DNAH2: variants seen among roughly 807,000 people sequenced by gnomAD.
The protein encoded by DNAH2 is dynein axonemal heavy chain 2, also known as axonemal beta dynein heavy chain 2.
A neutral mutation model predicts 523.5 loss-of-function variants in DNAH2; 323 were observed. The ratio of observed to expected loss-of-function variants is 0.62; its 90% confidence interval spans 0.56 to 0.68. The LOEUF (loss-of-function observed/expected upper bound fraction) is 0.68, where lower values mean the gene tolerates loss of function less well. Among genes scored for constraint, DNAH2 ranks in the 30% least tolerant of loss-of-function variants. The pLI, the probability that DNAH2 is intolerant of heterozygous loss-of-function variation, is 0.00. For missense variants in DNAH2, 4,907 were observed against 5,701.5 expected, an observed-to-expected ratio of 0.86 and a Z score of 4.49; for synonymous variants, 2,093 against 2,177.4, an observed-to-expected ratio of 0.96 and a Z score of 1.08.
Position 7,818,705 on chromosome 17 carries a change from G to A in DNAH2, c.10599G>A (p.Gln3533=). The A allele has an allele frequency of 6.2e-7, 1 of 1,614,098 alleles. No homozygotes were observed. Among genetic ancestry groups the A allele is most frequent in the Admixed American group, 1.7e-5 (1 of 60,028 alleles). ...VRKERPELEE[Q]KDSLVINIAA... is the part of the protein sequence containing the mutation. ...AGGAGCGGCCTGAGCTGGAGGAGCAGAAGGACTCACTGGTCATCAACATCG... is the reference window on the plus strand; with the variant it reads ...AGGAGCGGCCTGAGCTGGAGGAGCAAAAGGACTCACTGGTCATCAACATCG... The change falls in exon 70 of 86, where the codon CAG becomes CAA. Residue 3533 remains glutamine (Q), a synonymous_variant. Coordinates refer to ENST00000572933, the MANE Select transcript of DNAH2 (RefSeq NM_020877.5).
intron 58 of DNAH2, among the ~76,000 whole-genome samples, chr17:7,803,937 C>T (rs971260360): frequency 6.6e-6 from 1 of 152,248 alleles, no homozygotes; most frequent in African/African-American, 2.4e-5. Context: ...GCCCACCTGC[C>T]TGTTCCACAG....
At position 7,754,546 on chromosome 17, in the gene DNAH2, T is replaced by C; in HGVS notation, c.1905-2545T>C. Reference sequence around the variant, plus strand: ...TGCCAAGAAGCACAAAAGAAGGGCCTAAAGAAGATGCACACCAACAATGCC... The same window carrying C: ...TGCCAAGAAGCACAAAAGAAGGGCCCAAAGAAGATGCACACCAACAATGCC... On this transcript the variant is annotated intron_variant, in intron 12 of 85. Transcript: ENST00000572933. This position sits in a 1 kb window ranked among gnomAD's most constrained non-coding sequence, Gnocchi z 4.6. 1 of 1,255,418 alleles carries C rather than the reference T, an allele frequency of 8.0e-7. No homozygotes were observed. The highest frequency in any genetic ancestry group is 1.1e-6 in the Non-Finnish European group (1 of 874,334). 77.8% of individuals were successfully genotyped at this position (1,255,418 alleles called of 1,614,324 possible). A position where few individuals can be genotyped will look rare whatever the true frequency, so the allele number is the denominator to read the frequency against.
chr17:7,780,751 G>A lies in DNAH2; in HGVS notation c.5972G>A (p.Arg1991His), dbSNP rs201098580. Reference protein sequence around the residue: ...TSLLRYAGKKRRLQPDLTDEE... With the variant: ...TSLLRYAGKKHRLQPDLTDEE... ...CTTCTGCGCTATGCTGGCAAGAAGCGCCGCCTACAGCCGGATCTGACTGAT... is the reference window on the plus strand; with the variant it reads ...CTTCTGCGCTATGCTGGCAAGAAGCACCGCCTACAGCCGGATCTGACTGAT... Residue 1991 changes from arginine (R) to histidine (H), a missense_variant, in exon 38 of 86, where the codon CGC (arginine) becomes CAC (histidine). Coordinates refer to ENST00000572933, the MANE Select transcript of DNAH2 (RefSeq NM_020877.5). The surrounding 1 kb of genome is among the most constrained non-coding windows in gnomAD (Gnocchi z 4.4). The A allele has an allele frequency of 7.4e-6, 12 of 1,614,232 alleles. No individual in the cohort carries two copies. Among genetic ancestry groups the A allele is most frequent in the African/African-American group, 1.3e-5 (1 of 75,068 alleles).
At position 7,794,376 on chromosome 17, in the gene DNAH2, G is replaced by A. The variant is rs370459344; in HGVS notation, c.7674+18G>A. Reference sequence around the variant, plus strand: ...TCCCCACAGTGAGGACCTCATGGGGGCTGCAGGACGAGGGGAGGGTAGGAG... The same window carrying A: ...TCCCCACAGTGAGGACCTCATGGGGACTGCAGGACGAGGGGAGGGTAGGAG... On this transcript the variant is annotated intron_variant, in intron 49 of 85. Transcript: ENST00000572933. 1.4e-5 allele frequency: 23 copies of A among 1,593,030 alleles called. No individual in the cohort carries two copies. The highest frequency in any genetic ancestry group is 1.9e-5 in the Non-Finnish European group (22 of 1,168,302).
intron 72 of DNAH2, 122 bp downstream of exon 72, chr17:7,819,530 T>G: frequency 1.0e-6 from 1 of 988,970 alleles, no homozygotes; most frequent in Admixed American, 2.0e-5. Flanking sequence ...TTGGCATATG[T>G]CCTCCTGGTA....
At chr17:7,769,942 C>T (rs1040532313) in intron 24 of DNAH2, among the ~76,000 whole-genome samples, 6 of 152,042 alleles carry the variant, frequency 3.9e-5, no homozygotes, top group Admixed American at 2.0e-4. Flanking sequence ...ATAGAGTAGC[C>T]GTGAGAATGA....
At chr17:7,741,221 C>T (rs1407967192) in intron 11 of DNAH2, among the ~76,000 whole-genome samples, 6 of 146,788 alleles carry the variant, frequency 4.1e-5, no homozygotes, top group African/African-American at 1.5e-4. Context: ...TCCTTCCTTT[C>T]TTTTTTTTCT....
chr17:7,799,510 T>C (rs2077163163), intron 56 of DNAH2, among the ~76,000 whole-genome samples: 1 of 152,180 alleles, frequency 6.6e-6, no homozygotes, highest in Non-Finnish European at 1.5e-5. Flanking sequence ...GTAAATCTAA[T>C]TGTGGTTAAA....
chr17:7,768,291 G>C, intron 24 of DNAH2, 24 bp downstream of exon 24: 2 of 1,613,420 alleles, frequency 1.2e-6, no homozygotes. Flanking sequence ...TCTGCTCCGG[G>C]GTGTCCACTC....
intron 35 of DNAH2, among the ~76,000 whole-genome samples, chr17:7,778,970 G>A (rs1229502052): frequency 6.6e-6 from 1 of 152,186 alleles, no homozygotes; most frequent in African/African-American, 2.4e-5. Context: ...AAAATAATGT[G>A]TGTTAACTGG....
rs1444583597 is a variant in DNAH2, at chr17:7,780,048, AG to A, written c.5723-106del. 7.1e-7 allele frequency: 1 copy of A among 1,407,836 alleles called. No homozygotes were observed. The highest frequency in any genetic ancestry group is 2.3e-5 in the East Asian group (1 of 43,204). 87.2% of individuals were successfully genotyped at this position (1,407,836 alleles called of 1,614,324 possible). ...TGGTCTTGGAGTTGGAGAGAAAGTT[AG>A]GGATGGAGTTAGGGTGGGAGAAAAT... is the stretch of plus-strand genomic sequence containing the variant. On this transcript the variant is annotated intron_variant, in intron 36 of 85. Coordinates refer to ENST00000572933, the MANE Select transcript of DNAH2 (RefSeq NM_020877.5). The surrounding 1 kb of genome is among the most constrained non-coding windows in gnomAD (Gnocchi z 4.4).
chr17:7,804,581 C>A (rs556138171), intron 59 of DNAH2, 115 bp downstream of exon 59: 2 of 1,222,660 alleles, frequency 1.6e-6, no homozygotes, highest in African/African-American at 3.0e-5. Flanking sequence ...TGCAGTGGCT[C>A]ACGCCTGTAA....
intron 9 of DNAH2, 112 bp from the exon 10 acceptor site, chr17:7,740,308 C>T: frequency 6.6e-7 from 1 of 1,509,690 alleles, no homozygotes; most frequent in Non-Finnish European, 8.9e-7. Context: ...CTTGGAGTGC[C>T]TGGCACACAG....
chr17:7,820,909 G>C (rs1184692091), intron 72 of DNAH2, among the ~76,000 whole-genome samples: 2 of 152,078 alleles, frequency 1.3e-5, no homozygotes, highest in Non-Finnish European at 2.9e-5. Flanking sequence ...CGTGGTGATG[G>C]GCTCCTGTAA....
chr17:7,719,578 T>C, intron 1 of DNAH2, 143 bp from the exon 2 acceptor site: 4 of 1,046,732 alleles, frequency 3.8e-6, no homozygotes, highest in Non-Finnish European at 5.7e-6. Context: ...TTGTGGTTAA[T>C]GGAGCAGGGT....
rs760917536 is a variant in DNAH2 at position 7,774,800 on chromosome 17, G to T, written c.4543G>T (p.Asp1515Tyr). The T allele has an allele frequency of 1.2e-6, 2 of 1,614,086 alleles. No individual in the cohort carries two copies. The highest frequency in any genetic ancestry group is 4.5e-5 in the East Asian group (2 of 44,898). ...GATAGAAATGAATACAATCCTGGAAGATATTCAGAAATCTCTGGATATGTA... is the reference window on the plus strand; with the variant it reads ...GATAGAAATGAATACAATCCTGGAATATATTCAGAAATCTCTGGATATGTA... ...TLIEMNTILE[D>Y]IQKSLDMYLE... The change falls in exon 29 of 86, where the codon GAT becomes TAT. Residue 1515 changes from aspartate to tyrosine, a missense_variant. Asp to Tyr is a radical substitution (Grantham distance 160, BLOSUM62 -3). Coordinates refer to ENST00000572933, the MANE Select transcript of DNAH2 (RefSeq NM_020877.5).
intron 60 of DNAH2, 42 bp from the exon 61 acceptor site, chr17:7,805,210 G>T (rs1242269148): frequency 6.2e-7 from 1 of 1,608,828 alleles, no homozygotes; most frequent in Non-Finnish European, 8.5e-7. Context: ...TCTGTCTCCA[G>T]AAGGTCCTGT....
chr17:7,757,978 G>A (rs1269998178), intron 13 of DNAH2, among the ~76,000 whole-genome samples: 1 of 152,130 alleles, frequency 6.6e-6, no homozygotes, highest in Non-Finnish European at 1.5e-5. Flanking sequence ...TGGGAGTGGG[G>A]ATTTTAACAT....
intron 49 of DNAH2, among the ~76,000 whole-genome samples, chr17:7,796,141 T>C: frequency 6.7e-6 from 1 of 148,236 alleles, no homozygotes; most frequent in Admixed American, 6.9e-5. Flanking sequence ...CTCCGCCTCC[T>C]GGGGTCAAGT....
Sources: gnomAD v4.1 joint callset for allele counts (sites outside exome capture counted in the v4.1 genomes callset) on GRCh38, gnomAD v4.1.1 for gene constraint, Gnocchi (gnomAD v3.1) non-coding constraint, MANE v1.5 for transcripts, NCBI Gene and HGNC (gene_info 2026-07-23, HGNC 2026-07-21) for gene names.